PIK3C2G: variants seen among roughly 807,000 people sequenced by gnomAD.
PIK3C2G encodes the protein phosphatidylinositol 3-kinase C2 domain-containing subunit gamma.
In PIK3C2G, 168 loss-of-function variants were observed where a neutral mutation model predicts 181.1. The observed-to-expected ratio is 0.93, with a 90% CI of 0.82 to 1.05. The LOEUF is 1.05. PIK3C2G is among the 50% of genes least tolerant of loss of function. The probability of loss-of-function intolerance (pLI) is 0.00; values close to 1 mark genes in which losing one functional copy is unlikely to be tolerated. For synonymous variants in PIK3C2G, 573 were observed against 592.2 expected (o/e 0.97, Z 0.47); for missense variants, 1,869 against 1,732.8 (o/e 1.08, Z -1.40).
the PIK3C2G span, chr12:18,713,040 A>G: frequency 5.0e-6 from 8 of 1,595,194 alleles, no homozygotes; most frequent in Admixed American, 8.4e-5. Flanking sequence ...AAAAATATAT[A>G]CCAAAGTATT....
chr12:18,319,379 T>C (rs1951007870), intron 6 of PIK3C2G, among the ~76,000 whole-genome samples: 1 of 152,110 alleles, frequency 6.6e-6, no homozygotes. Context: ...AGGTATGGCC[T>C]CAGCTTTAAG....
Position 18,313,997 on chromosome 12 carries a change from A to C in PIK3C2G, c.1070A>C (p.Lys357Thr), listed in dbSNP as rs1950751667. 7.5e-6 allele frequency: 12 copies of C among 1,592,050 alleles called. No individual in the cohort carries two copies. The South Asian group carries it at 1.4e-4, about 18-fold the overall frequency. ...HCLGSHKMFQ[K>T]DKSVIQLHLQ... is the part of the protein sequence containing the mutation. Reference sequence around the variant, plus strand: ...TTGGGGAGCCACAAAATGTTTCAAAAAGATAAATCTGTTATTCAGCTCCAC... The same window carrying C: ...TTGGGGAGCCACAAAATGTTTCAAACAGATAAATCTGTTATTCAGCTCCAC... Residue 357 changes from lysine (K) to threonine (T), a missense_variant, in exon 6 of 33, where the codon AAA (lysine) becomes ACA (threonine). Transcript: ENST00000538779.
At chr12:18,590,041 T>C in intron 29 of PIK3C2G, among the ~76,000 whole-genome samples, 1 of 151,848 alleles carries the variant, frequency 6.6e-6, no homozygotes, top group East Asian at 1.9e-4. Context: ...GTTGTGTTTG[T>C]ACTGATTCCA....
chr12:18,459,053 T>G (rs1947781878), intron 18 of PIK3C2G, among the ~76,000 whole-genome samples: 1 of 152,138 alleles, frequency 6.6e-6, no homozygotes, highest in South Asian at 2.1e-4. Context: ...CCTGGACTTC[T>G]GACTTACAGA....
chr12:18,516,793 A>T (rs940725600), intron 24 of PIK3C2G, among the ~76,000 whole-genome samples: 10 of 151,704 alleles, frequency 6.6e-5, no homozygotes, highest in Non-Finnish European at 1.3e-4. Context: ...TTTTCTTTCT[A>T]GGATTCCTAT....
At chr12:18,679,594 G>A in the PIK3C2G span, among the ~76,000 whole-genome samples, 2 of 151,776 alleles carry the variant, frequency 1.3e-5, no homozygotes, top group East Asian at 1.9e-4. Flanking sequence ...CAATGTTTCC[G>A]AGCCTGTGTC....
chr12:18,313,994 A>T lies in PIK3C2G; in HGVS notation c.1067A>T (p.Gln356Leu), dbSNP rs1417758389. The change falls in exon 6 of 33, where the codon CAA becomes CTA. Residue 356 changes from glutamine (Q) to leucine (L), a missense_variant. Gln to Leu is a moderately radical substitution (Grantham distance 113, BLOSUM62 -2). Coordinates refer to ENST00000538779, the MANE Select transcript of PIK3C2G (RefSeq NM_001288772.2). ...DHCLGSHKMF[Q>L]KDKSVIQLHL... is the part of the protein sequence containing the mutation. Reference sequence around the variant, plus strand: ...TGTTTGGGGAGCCACAAAATGTTTCAAAAAGATAAATCTGTTATTCAGCTC... The same window carrying T: ...TGTTTGGGGAGCCACAAAATGTTTCTAAAAGATAAATCTGTTATTCAGCTC... 6.3e-7 allele frequency: 1 copy of T among 1,591,632 alleles called. No homozygotes were observed. The highest frequency in any genetic ancestry group is 1.3e-5 in the African/African-American group (1 of 74,584).
At chr12:18,683,451 C>G in the PIK3C2G span, 5 of 1,434,316 alleles carry the variant, frequency 3.5e-6, no homozygotes, top group African/African-American at 7.1e-5. Context: ...GAGTTATATT[C>G]CCATCTGGTA....
the PIK3C2G span, among the ~76,000 whole-genome samples, chr12:18,707,036 T>C: frequency 6.6e-6 from 1 of 152,192 alleles, no homozygotes; most frequent in Non-Finnish European, 1.5e-5. Flanking sequence ...TGTCCCTGTC[T>C]TCCCACTGCC....
chr12:18,563,538 T>C (rs1409028692), intron 28 of PIK3C2G, 40 bp downstream of exon 28: 8 of 1,598,254 alleles, frequency 5.0e-6, no homozygotes, highest in Non-Finnish European at 6.8e-6. Flanking sequence ...CCTTCAGTAC[T>C]TGTCCTTGAG....
intron 15 of PIK3C2G, among the ~76,000 whole-genome samples, chr12:18,394,286 T>C (rs1207032358): frequency 8.5e-5 from 13 of 152,084 alleles, no homozygotes; most frequent in Non-Finnish European, 1.9e-4. Context: ...TTCCAGTAAT[T>C]GAACTGTCTA....
intron 28 of PIK3C2G, among the ~76,000 whole-genome samples, chr12:18,565,704 A>G (rs1005609569): frequency 6.6e-6 from 1 of 152,202 alleles, no homozygotes; most frequent in Non-Finnish European, 1.5e-5. Flanking sequence ...TGACAGTATT[A>G]TAGAACCATT....
intron 11 of PIK3C2G, among the ~76,000 whole-genome samples, chr12:18,361,120 T>G (rs1941204168): frequency 6.6e-6 from 1 of 152,162 alleles, no homozygotes; most frequent in Non-Finnish European, 1.5e-5. Context: ...TTTTGGCTTC[T>G]CTGGCTGGAT....
chr12:18,503,788 C>T (rs563042340), intron 23 of PIK3C2G, among the ~76,000 whole-genome samples: 2 of 152,272 alleles, frequency 1.3e-5, no homozygotes, highest in Admixed American at 6.5e-5. Flanking sequence ...CCCACTTTTT[C>T]GTCTCCCATT....
intron 4 of PIK3C2G, among the ~76,000 whole-genome samples, chr12:18,293,498 T>C (rs1398753571): frequency 6.6e-6 from 1 of 152,158 alleles, no homozygotes; most frequent in African/African-American, 2.4e-5. Flanking sequence ...GCAATATGTC[T>C]CACTTTGGTT....
chr12:18,692,997 A>G, the PIK3C2G span: 87 of 1,405,190 alleles, frequency 6.2e-5, no homozygotes, highest in Non-Finnish European at 8.0e-5. Context: ...CTATCTTCTC[A>G]TGGAGGAAGA....
intron 11 of PIK3C2G, among the ~76,000 whole-genome samples, chr12:18,348,022 G>A (rs1024200634): frequency 5.9e-5 from 9 of 151,558 alleles, no homozygotes; most frequent in African/African-American, 1.7e-4. Flanking sequence ...TTAAAGGGCC[G>A]ATGTATAGTA....
chr12:18,713,773 G>C, the PIK3C2G span: 3 of 152,164 alleles, frequency 2.0e-5, no homozygotes, highest in Non-Finnish European at 4.4e-5. Context: ...CAAAACTGAG[G>C]AAACTATATT....
At chr12:18,548,194 C>T (rs993808279) in intron 26 of PIK3C2G, among the ~76,000 whole-genome samples, 1 of 151,874 alleles carries the variant, frequency 6.6e-6, no homozygotes, top group Non-Finnish European at 1.5e-5. Flanking sequence ...GCATGGCAGA[C>T]ACAATGATTG....
Sources: gnomAD v4.1 joint callset for allele counts (sites outside exome capture counted in the v4.1 genomes callset) on GRCh38, gnomAD v4.1.1 for gene constraint, MANE v1.5 for transcripts, NCBI Gene and HGNC (gene_info 2026-07-23, HGNC 2026-07-21) for gene names.